SEMA3E: variants seen among roughly 807,000 people sequenced by gnomAD.
The protein encoded by SEMA3E is semaphorin-3E.
A neutral mutation model predicts 93.6 loss-of-function variants in SEMA3E; 49 were observed. The ratio of observed to expected loss-of-function variants is 0.52; its 90% CI spans 0.42 to 0.66. SEMA3E has a LOEUF of 0.66. Among genes scored for constraint, SEMA3E ranks in the 30% least tolerant of loss-of-function variants. SEMA3E has a pLI of 0.00. For missense variants in SEMA3E, 906 were observed against 964.8 expected, an observed-to-expected ratio of 0.94 and a Z score of 0.81; for synonymous variants, 363 against 330.7, an observed-to-expected ratio of 1.10 and a Z score of -1.06.
At chr7:83,463,136 T>G (rs991428551) in intron 4 of SEMA3E, among the ~76,000 whole-genome samples, 1 of 147,330 alleles carries the variant, frequency 6.8e-6, no homozygotes, top group Non-Finnish European at 1.5e-5. Flanking sequence ...CCTGCAATCG[T>G]GTCCGACTGA....
intron 2 of SEMA3E, among the ~76,000 whole-genome samples, chr7:83,476,121 GGCACAGTGTCT>G (rs1236077689): frequency 6.6e-6 from 1 of 152,120 alleles, no homozygotes; most frequent in Non-Finnish European, 1.5e-5. Context: ...GTGCCTATCT[GGCACAGTGTCT>G]TAAGCACAGT....
chr7:83,462,927 C>A (rs1223179808), intron 4 of SEMA3E, among the ~76,000 whole-genome samples: 1 of 111,322 alleles, frequency 9.0e-6, no homozygotes, highest in East Asian at 3.7e-4. Flanking sequence ...GCTTTCTTTA[C>A]TATTCCTTTG....
intron 4 of SEMA3E, among the ~76,000 whole-genome samples, chr7:83,438,014 G>A (rs73393315): frequency 0.032 from 4,826 of 152,212 alleles, 269 homozygotes; most frequent in African/African-American, 0.11. Flanking sequence ...AATATTCTGT[G>A]AGGCCACATC....
chr7:83,518,370 G>GA (rs904595934), intron 1 of SEMA3E, among the ~76,000 whole-genome samples: 11 of 148,862 alleles, frequency 7.4e-5, no homozygotes, highest in East Asian at 5.9e-4. Flanking sequence ...GTGAGGAAAG[G>GA]AAAAAAAAAA....
chr7:83,506,030 A>AT (rs1400692855), intron 1 of SEMA3E, among the ~76,000 whole-genome samples: 376 of 133,374 alleles, frequency 2.8e-3, no homozygotes, highest in African/African-American at 8.6e-3. Context: ...AAAAAAAAAA[A>AT]AAATATATAT....
intron 4 of SEMA3E, among the ~76,000 whole-genome samples, chr7:83,420,308 T>C (rs1275041284): frequency 6.6e-6 from 1 of 152,060 alleles, no homozygotes; most frequent in Non-Finnish European, 1.5e-5. Flanking sequence ...ATATAGATGA[T>C]ACAAACAAAT....
intron 1 of SEMA3E, among the ~76,000 whole-genome samples, chr7:83,600,536 A>T (rs775273505): frequency 1.9e-5 from 2 of 105,014 alleles, no homozygotes; most frequent in Non-Finnish European, 3.5e-5. Flanking sequence ...TTTAGTAGAG[A>T]CGGGGTTTCA....
At chr7:83,643,616 A>G (rs1794042203) in intron 1 of SEMA3E, among the ~76,000 whole-genome samples, 1 of 151,996 alleles carries the variant, frequency 6.6e-6, no homozygotes, top group African/African-American at 2.4e-5. Flanking sequence ...CATGGACAAT[A>G]TTTGTCTGTA....
In SEMA3E at chr7:83,440,288, C is replaced by T. The variant is rs151077937; in HGVS notation, c.457-21805G>A. Among the ~76,000 whole-genome samples the T allele has an allele frequency of 4.2e-4, 64 of 151,928 alleles. No individual in the cohort carries two copies. In the Middle Eastern group the frequency reaches 0.01, roughly 24 times the overall value. On this transcript the variant is annotated intron_variant, in intron 4 of 16. Transcript: ENST00000643230. The stretch of plus-strand genomic sequence containing the variant: ...TTATGAGAAGAGGAGAACATAGGAG[C>T]CTATTTCTTGTCCTGGAGGTGGTAG...
chr7:83,387,467 A>T (rs1416655250), intron 14 of SEMA3E, among the ~76,000 whole-genome samples: 1 of 152,128 alleles, frequency 6.6e-6, no homozygotes, highest in Non-Finnish European at 1.5e-5. Context: ...TCCCATATAT[A>T]ATAAAGTGCA....
Position 83,490,194 on chromosome 7 carries a change from A to G in SEMA3E, c.196T>C (p.Tyr66His), listed in dbSNP as rs558904762. ...LDLHTMLLDE[Y>H]QERLFVGGRD... ...CCTCCCACGAAGAGCCTCTCTTGAT[A>G]TTCATCCAGCAGCATTGTATGGAGA... The change falls in exon 2 of 17, where the codon TAT (tyrosine) becomes CAT (histidine). Residue 66 changes from tyrosine (Y) to histidine (H), a missense_variant. Tyr to His is a moderately conservative substitution (Grantham distance 83). Coordinates refer to ENST00000643230, the MANE Select transcript of SEMA3E (RefSeq NM_012431.3). The G allele has an allele frequency of 3.6e-5, 58 of 1,613,072 alleles. No individual in the cohort carries two copies. In the East Asian group the frequency reaches 1.2e-3, roughly 34 times the overall value.
intron 14 of SEMA3E, among the ~76,000 whole-genome samples, chr7:83,391,915 C>CT (rs150498684): frequency 0.011 from 1,694 of 152,182 alleles, 34 homozygotes; most frequent in African/African-American, 0.039. Context: ...AATAAAAATA[C>CT]TTTTTTTCCT....
At chr7:83,392,885 T>C (rs1464059802) in intron 13 of SEMA3E, among the ~76,000 whole-genome samples, 164 bp from the exon 14 acceptor site, 2 of 151,892 alleles carry the variant, frequency 1.3e-5, no homozygotes, top group Non-Finnish European at 2.9e-5. Context: ...CTGCACAACA[T>C]GGCAAAACCC....
intron 1 of SEMA3E, among the ~76,000 whole-genome samples, chr7:83,519,827 C>T (rs1038763463): frequency 5.3e-5 from 8 of 152,068 alleles, no homozygotes; most frequent in African/African-American, 1.9e-4. Flanking sequence ...TCTTTCTTAT[C>T]TTTGCTATTT....
intron 16 of SEMA3E, among the ~76,000 whole-genome samples, chr7:83,378,019 C>T (rs998986522): frequency 2.0e-5 from 3 of 151,718 alleles, no homozygotes; most frequent in Non-Finnish European, 4.4e-5. Context: ...TCTTCATAAA[C>T]CAGGGTATAG....
Position 83,432,580 on chromosome 7 carries a change from T to C in SEMA3E, c.457-14097A>G, listed in dbSNP as rs146306846. On this transcript the variant is annotated intron_variant, in intron 4 of 16. Transcript: ENST00000643230. Reference sequence around the variant, plus strand: ...ATTGTCATTTTACTGGTAAGAGTCATTGAAATGAAAACACATATATAGAGA... The same window carrying C: ...ATTGTCATTTTACTGGTAAGAGTCACTGAAATGAAAACACATATATAGAGA... Among the ~76,000 whole-genome samples the C allele has an allele frequency of 7.2e-3, 1,090 of 152,220 alleles. 12 individuals are homozygous for C. Among genetic ancestry groups the C allele is most frequent in the Non-Finnish European group, 0.01 (683 of 67,980 alleles).
intron 4 of SEMA3E, among the ~76,000 whole-genome samples, chr7:83,418,831 A>G (rs1048762019): frequency 6.6e-6 from 1 of 152,196 alleles, no homozygotes; most frequent in African/African-American, 2.4e-5. Context: ...AGGAGGTTCA[A>G]TGTTAAAAAT....
At chr7:83,376,592 C>T (rs1340775050) in intron 16 of SEMA3E, among the ~76,000 whole-genome samples, 3 of 151,954 alleles carry the variant, frequency 2.0e-5, no homozygotes, top group Non-Finnish European at 2.9e-5. Context: ...GTTTAATTGA[C>T]TTTGGTGAAT....
intron 1 of SEMA3E, among the ~76,000 whole-genome samples, chr7:83,551,208 C>T (rs1791757340): frequency 6.6e-6 from 1 of 151,374 alleles, no homozygotes; most frequent in Admixed American, 6.6e-5. Flanking sequence ...GTTTCTAATA[C>T]CAAAAAAAAT....
Sources: gnomAD v4.1 joint callset for allele counts (sites outside exome capture counted in the v4.1 genomes callset) on GRCh38, gnomAD v4.1.1 for gene constraint, MANE v1.5 for transcripts, NCBI Gene and HGNC (gene_info 2026-07-23, HGNC 2026-07-21) for gene names.